CHST9: variants seen among roughly 807,000 people sequenced by gnomAD.
CHST9 encodes GalNAc-4-sulfotransferase 2.
A neutral mutation model predicts 44.4 loss-of-function variants in CHST9; 41 were observed. The ratio of observed to expected loss-of-function variants is 0.92; its 90% CI spans 0.72 to 1.20. CHST9 has a LOEUF of 1.20. Ranked by LOEUF, CHST9 falls within the 50% of genes most tolerant of loss-of-function variation. The pLI, the probability that CHST9 is intolerant of heterozygous loss-of-function variation, is 0.00. For missense variants in CHST9, 504 were observed against 516.5 expected, an observed-to-expected ratio of 0.98 and a Z score of 0.23; for synonymous variants, 171 against 178.4, an observed-to-expected ratio of 0.96 and a Z score of 0.33.
At chr18:27,046,983 A>G (rs1347644934) in intron 3 of CHST9, among the ~76,000 whole-genome samples, 1 of 152,080 alleles carries the variant, frequency 6.6e-6, no homozygotes, top group African/African-American at 2.4e-5. Flanking sequence ...ATTTGTTGAA[A>G]AGTGTTTTAT....
chr18:26,978,799 A>G (rs2056656571), intron 4 of CHST9, among the ~76,000 whole-genome samples: 1 of 152,206 alleles, frequency 6.6e-6, no homozygotes, highest in Non-Finnish European at 1.5e-5. Context: ...AATGCCTCAT[A>G]AATTTCAAAG....
intron 4 of CHST9, among the ~76,000 whole-genome samples, chr18:26,947,143 A>G (rs1021249508): frequency 1.3e-4 from 20 of 152,202 alleles, no homozygotes; most frequent in African/African-American, 4.3e-4. Context: ...GATTCTTCCT[A>G]TCCATGGGCA....
intron 4 of CHST9, among the ~76,000 whole-genome samples, chr18:26,999,368 G>C (rs979949080): frequency 1.2e-4 from 19 of 152,064 alleles, no homozygotes; most frequent in African/African-American, 4.6e-4. Context: ...ACTCAACTTT[G>C]GATTTTCAAA....
chr18:27,059,488 T>C (rs903489167), intron 2 of CHST9, among the ~76,000 whole-genome samples: 2 of 152,226 alleles, frequency 1.3e-5, no homozygotes, highest in Non-Finnish European at 2.9e-5. Flanking sequence ...TAATTTTCTG[T>C]ATGAAGGCAA....
Position 27,050,417 on chromosome 18 carries a change from C to T in CHST9, c.122-1914G>A, listed in dbSNP as rs562657328. ...TCCAGCTGTCACTTTTTTTTGTCAT[C>T]TATCAACATTCCACAGCTGGAGCTA... On this transcript the variant is annotated intron_variant, in intron 2 of 5. Transcript: ENST00000618847. Among the ~76,000 whole-genome samples the T allele has an allele frequency of 5.3e-5, 8 of 152,188 alleles. 1 individual carries two copies. The South Asian group carries it at 1.7e-3, about 32-fold the overall frequency.
rs139949703 is a variant in CHST9 at position 27,128,337 on chromosome 18, T to C, written c.121+14352A>G. On this transcript the variant is annotated intron_variant, in intron 2 of 5. Transcript: ENST00000618847. ...CAGGCTGGACTGCAGTGGCGCGATC[T>C]TGGCTCACTGCAACCTCCGCCTCCC... 1.0e-2 allele frequency among the ~76,000 whole-genome samples: 1,521 copies of C among 152,332 alleles called. 30 individuals are homozygous for C. The highest frequency in any genetic ancestry group is 0.035 in the African/African-American group (1,460 of 41,572).
chr18:27,140,145 T>G (rs1289925235), intron 2 of CHST9, among the ~76,000 whole-genome samples: 1 of 152,154 alleles, frequency 6.6e-6, no homozygotes, highest in African/African-American at 2.4e-5. Context: ...CCTTTTTCCT[T>G]CATGGAAGTG....
intron 4 of CHST9, among the ~76,000 whole-genome samples, chr18:26,966,054 G>A (rs1268907449): frequency 1.3e-5 from 2 of 152,188 alleles, no homozygotes; most frequent in Admixed American, 6.5e-5. Context: ...TATTCATAAT[G>A]CTGCTTTTAA....
intron 4 of CHST9, among the ~76,000 whole-genome samples, chr18:26,997,737 C>G (rs2056902614): frequency 1.3e-5 from 2 of 152,170 alleles, no homozygotes; most frequent in Admixed American, 1.3e-4. Context: ...TAGCACATAA[C>G]CACTTTACTA....
chr18:26,924,156 G>A (rs1016226605), intron 5 of CHST9, among the ~76,000 whole-genome samples: 21 of 152,140 alleles, frequency 1.4e-4, no homozygotes, highest in Non-Finnish European at 1.5e-4. Context: ...GGATCTTCTG[G>A]AAGATGATTA....
intron 5 of CHST9, among the ~76,000 whole-genome samples, chr18:26,940,693 G>A (rs1272522828): frequency 2.6e-5 from 4 of 152,144 alleles, no homozygotes; most frequent in African/African-American, 4.8e-5. Flanking sequence ...AGGGAGTGAT[G>A]GAGTCGAGGA....
intron 4 of CHST9, among the ~76,000 whole-genome samples, chr18:27,007,324 G>A (rs1201375709): frequency 6.6e-6 from 1 of 152,154 alleles, no homozygotes; most frequent in African/African-American, 2.4e-5. Context: ...TGAAAATGCA[G>A]ACTAAAGAAG....
At chr18:26,938,412 C>G (rs1326854781) in intron 5 of CHST9, among the ~76,000 whole-genome samples, 1 of 152,182 alleles carries the variant, frequency 6.6e-6, no homozygotes, top group Non-Finnish European at 1.5e-5. Flanking sequence ...AAGTGCAACT[C>G]TCTCAATTCT....
chr18:27,155,738 C>T (rs1019221445), intron 1 of CHST9, among the ~76,000 whole-genome samples: 3 of 152,094 alleles, frequency 2.0e-5, no homozygotes, highest in Admixed American at 2.0e-4. Flanking sequence ...TCAGTTTAAT[C>T]ATCCTCTCCA....
chr18:27,030,717 T>C (rs2057331555), intron 3 of CHST9, among the ~76,000 whole-genome samples: 1 of 151,998 alleles, frequency 6.6e-6, no homozygotes, highest in Non-Finnish European at 1.5e-5. Flanking sequence ...ATTCGGGGAG[T>C]GTCTGAGAGA....
intron 2 of CHST9, among the ~76,000 whole-genome samples, chr18:27,060,102 C>T (rs2057703896): frequency 2.0e-5 from 3 of 152,130 alleles, no homozygotes; most frequent in Non-Finnish European, 4.4e-5. Flanking sequence ...AGAAAACAAC[C>T]AGAGCACATC....
chr18:27,139,482 AACAC>A (rs10547483), intron 2 of CHST9, among the ~76,000 whole-genome samples: 69,862 of 149,962 alleles, frequency 0.47, 16,463 homozygotes, highest in African/African-American at 0.5. Context: ...TGTTATTTGA[AACAC>A]ACACACACAC....
chr18:26,924,435 G>A (rs1334472003), intron 5 of CHST9: 1 of 158,808 alleles, frequency 6.3e-6, no homozygotes. Context: ...GTAGATAGCA[G>A]GACTGAAAAG....
chr18:27,160,895 C>T (rs1054062025), intron 1 of CHST9, among the ~76,000 whole-genome samples: 23 of 152,122 alleles, frequency 1.5e-4, no homozygotes, highest in Admixed American at 7.9e-4. Context: ...AGTTTATTTG[C>T]GTGGAGGTGT....
Sources: gnomAD v4.1 joint callset for allele counts (sites outside exome capture counted in the v4.1 genomes callset) on GRCh38, gnomAD v4.1.1 for gene constraint, MANE v1.5 for transcripts, NCBI Gene and HGNC (gene_info 2026-07-23, HGNC 2026-07-21) for gene names.